Variants in LMO7 observed in about 807,000 individuals in gnomAD.
LMO7 encodes the protein LIM domain only protein 7.
In LMO7, 120 loss-of-function variants were observed where a neutral mutation model predicts 206.5. The ratio of observed to expected loss-of-function variants is 0.58; its 90% CI spans 0.50 to 0.68. The LOEUF is 0.68. Among genes scored for constraint, LMO7 ranks in the 30% least tolerant of loss-of-function variants. LMO7 has a pLI of 0.00. For synonymous variants in LMO7, 706 were observed against 681.5 expected (o/e 1.04, Z -0.56); for missense variants, 1,959 against 1,957.9 (o/e 1.00, Z -0.01).
intron 4 of LMO7, among the ~76,000 whole-genome samples, chr13:75,762,359 TATC>T (rs2139737846): frequency 6.6e-6 from 1 of 152,334 alleles, no homozygotes; most frequent in South Asian, 2.1e-4. Flanking sequence ...TATTTTTCCT[TATC>T]AACATATTTC....
intron 3 of LMO7, among the ~76,000 whole-genome samples, chr13:75,740,489 C>A (rs1017531040): frequency 5.9e-5 from 9 of 152,126 alleles, no homozygotes; most frequent in African/African-American, 9.7e-5. Flanking sequence ...AAGCAAAATA[C>A]TGATATAAGC....
intron 3 of LMO7, among the ~76,000 whole-genome samples, chr13:75,740,443 G>A (rs2046321613): frequency 6.6e-6 from 1 of 152,192 alleles, no homozygotes; most frequent in Non-Finnish European, 1.5e-5. Context: ...GACAGAGTGA[G>A]ACTCCATCTC....
rs116458320 is a variant in LMO7 at position 75,829,027 on chromosome 13, A to G, written c.2950-4024A>G. ...AATTAACCAAAATATGAAAAACAAG[A>G]GGTGGAAGAACAGGTTTGGGCGGAA... On this transcript the variant is annotated intron_variant, in intron 15 of 30. Transcript: ENST00000377534. 4.2e-3 allele frequency among the ~76,000 whole-genome samples: 640 copies of G among 152,248 alleles called. 4 individuals are homozygous for G. Among genetic ancestry groups the G allele is most frequent in the African/African-American group, 0.015 (618 of 41,550 alleles).
intron 7 of LMO7, among the ~76,000 whole-genome samples, chr13:75,803,230 C>G (rs1254287691): frequency 6.6e-6 from 1 of 152,150 alleles, no homozygotes; most frequent in African/African-American, 2.4e-5. Flanking sequence ...GTATGTTAAG[C>G]GACTTCCTGT....
chr13:75,768,394 G>A (rs1354611319), intron 4 of LMO7, among the ~76,000 whole-genome samples: 3 of 152,008 alleles, frequency 2.0e-5, no homozygotes, highest in Non-Finnish European at 4.4e-5. Context: ...CATTTTATTA[G>A]AATAGCAAAG....
intron 1 of LMO7, among the ~76,000 whole-genome samples, chr13:75,710,728 A>ATT (rs1376752546): frequency 6.6e-6 from 1 of 151,938 alleles, no homozygotes; most frequent in East Asian, 1.9e-4. Flanking sequence ...TAGATATACA[A>ATT]TCATGTCATC....
chr13:75,740,831 C>T (rs544908364), intron 3 of LMO7, among the ~76,000 whole-genome samples: 1 of 152,268 alleles, frequency 6.6e-6, no homozygotes, highest in African/African-American at 2.4e-5. Context: ...CTGAAGTCCC[C>T]TCCTGTAGCA....
chr13:75,791,148 G>T (rs2053233112), intron 4 of LMO7, among the ~76,000 whole-genome samples: 1 of 152,018 alleles, frequency 6.6e-6, no homozygotes. Flanking sequence ...TCAGAGCTCT[G>T]TTAGGAAGCT....
At chr13:75,647,125 T>C (rs542860905) in intron 1 of LMO7, among the ~76,000 whole-genome samples, 14 of 152,310 alleles carry the variant, frequency 9.2e-5, no homozygotes, top group African/African-American at 3.1e-4. Context: ...CTATTTCCGC[T>C]AGAATATAAG....
chr13:75,670,137 C>T (rs2039431305), intron 1 of LMO7, among the ~76,000 whole-genome samples: 1 of 152,186 alleles, frequency 6.6e-6, no homozygotes, highest in African/African-American at 2.4e-5. Context: ...CTTTTGGCCT[C>T]TTTGCTTAAT....
At chr13:75,733,476 G>A (rs541146737) in intron 3 of LMO7, among the ~76,000 whole-genome samples, 18 of 152,280 alleles carry the variant, frequency 1.2e-4, no homozygotes, top group Admixed American at 1.1e-3. Context: ...TAAGCCCGTC[G>A]GAAAAGCACA....
chr13:75,814,328 A>G (rs2056763187), intron 11 of LMO7, among the ~76,000 whole-genome samples: 1 of 152,186 alleles, frequency 6.6e-6, no homozygotes, highest in South Asian at 2.1e-4. Context: ...TTGTGCTGCT[A>G]ATATGTTTTC....
intron 25 of LMO7, among the ~76,000 whole-genome samples, chr13:75,843,782 T>C (rs1352941365): frequency 6.6e-6 from 1 of 152,178 alleles, no homozygotes; most frequent in Non-Finnish European, 1.5e-5. Context: ...ATATTGAGGG[T>C]AGGGCCATTA....
intron 27 of LMO7, among the ~76,000 whole-genome samples, chr13:75,851,165 G>A (rs1461444532): frequency 1.3e-5 from 2 of 152,212 alleles, no homozygotes; most frequent in Admixed American, 6.5e-5. Context: ...ACACAAGGGC[G>A]TGGATACCAA....
intron 4 of LMO7, among the ~76,000 whole-genome samples, chr13:75,786,526 C>T (rs912434244): frequency 1.1e-4 from 16 of 152,044 alleles, no homozygotes; most frequent in Non-Finnish European, 2.1e-4. Context: ...AGGCACCAGC[C>T]ACCACGCCTG....
chr13:75,669,434 G>A (rs1179141309), intron 1 of LMO7, among the ~76,000 whole-genome samples: 2 of 152,170 alleles, frequency 1.3e-5, no homozygotes, highest in Non-Finnish European at 2.9e-5. Flanking sequence ...GTGGCCTAGA[G>A]CAATCTCAGA....
chr13:75,678,821 A>G (rs1251991152), intron 1 of LMO7, among the ~76,000 whole-genome samples: 1 of 152,240 alleles, frequency 6.6e-6, no homozygotes. Flanking sequence ...CGTTTGTTTT[A>G]AGAGTGATCT....
intron 3 of LMO7, 40 bp from the exon 4 acceptor site, chr13:75,760,892 A>G: frequency 1.2e-6 from 2 of 1,611,034 alleles, no homozygotes; most frequent in Non-Finnish European, 8.5e-7. Context: ...TGTCTGAGAG[A>G]GAGCTCAGCT....
chr13:75,742,794 AT>A (rs2046516493), intron 3 of LMO7, among the ~76,000 whole-genome samples: 1 of 152,234 alleles, frequency 6.6e-6, no homozygotes, highest in African/African-American at 2.4e-5. Context: ...AGGCAATAAC[AT>A]TCTGGACATA....
Sources: gnomAD v4.1 joint callset for allele counts (sites outside exome capture counted in the v4.1 genomes callset) on GRCh38, gnomAD v4.1.1 for gene constraint, MANE v1.5 for transcripts, NCBI Gene and HGNC (gene_info 2026-07-23, HGNC 2026-07-21) for gene names.